Variants in TNS3 observed in about 807,000 individuals in gnomAD.
TNS3 encodes the protein tensin-3.
Under a neutral mutation model 140.9 loss-of-function variants are expected in TNS3, and 45 were observed. The observed-to-expected ratio is 0.32, with a 90% CI of 0.25 to 0.41. The LOEUF is 0.41. Ranked by LOEUF, TNS3 falls within the 10% of genes least tolerant of loss-of-function variation. The pLI is 1.00. For missense variants in TNS3, 1,716 were observed against 1,906.7 expected (o/e 0.90, Z 1.86); for synonymous variants, 815 against 788.4 (o/e 1.03, Z -0.56).
intron 1 of TNS3, among the ~76,000 whole-genome samples, chr7:47,541,633 C>T (rs1163884807): frequency 6.6e-6 from 1 of 152,178 alleles, no homozygotes; most frequent in Non-Finnish European, 1.5e-5. Flanking sequence ...ATCCAAGACT[C>T]TTTGAGTCCC....
chr7:47,559,608 G>T (rs1800281817), intron 1 of TNS3, among the ~76,000 whole-genome samples: 1 of 152,094 alleles, frequency 6.6e-6, no homozygotes, highest in Non-Finnish European at 1.5e-5. Context: ...GCTAAAACAA[G>T]AGCCACAGGA....
rs532912280 is a variant in TNS3, at chr7:47,433,520, A to G, written c.324+1762T>C. Reference sequence around the variant, plus strand: ...CTCTAGGTGGTCCCCACTAGGACCCATATGTTTTAAATAATCTCATCATTT... The same window carrying G: ...CTCTAGGTGGTCCCCACTAGGACCCGTATGTTTTAAATAATCTCATCATTT... On this transcript the variant is annotated intron_variant, in intron 8 of 30. Transcript: ENST00000311160. Among the ~76,000 whole-genome samples, 114 of 152,358 alleles carry G rather than the reference A, an allele frequency of 7.5e-4. 1 individual carries two copies. The South Asian group carries it at 0.023, about 30-fold the overall frequency.
intron 1 of TNS3, among the ~76,000 whole-genome samples, chr7:47,550,890 G>C (rs1003342501): frequency 2.0e-5 from 3 of 152,158 alleles, no homozygotes; most frequent in African/African-American, 4.8e-5. Context: ...ACAGACCTAA[G>C]TTTTGGTCAT....
At chr7:47,569,462 C>T (rs1262722029) in intron 1 of TNS3, among the ~76,000 whole-genome samples, 13 of 151,114 alleles carry the variant, frequency 8.6e-5, no homozygotes, top group African/African-American at 3.2e-4. Context: ...GAGAATTGCT[C>T]GAACCAGGGA....
intron 3 of TNS3, among the ~76,000 whole-genome samples, chr7:47,489,649 C>T (rs1196194000): frequency 6.6e-6 from 1 of 152,248 alleles, no homozygotes; most frequent in Non-Finnish European, 1.5e-5. Flanking sequence ...AAAGCAAAAG[C>T]ATAGTATCCT....
chr7:47,570,163 A>T (rs1297072622), intron 1 of TNS3, among the ~76,000 whole-genome samples: 1 of 152,258 alleles, frequency 6.6e-6, no homozygotes, highest in African/African-American at 2.4e-5. Context: ...TAAAAAGAAA[A>T]AATAAATAAA....
At chr7:47,301,173 C>T (rs1406136906) in intron 23 of TNS3, among the ~76,000 whole-genome samples, 1 of 152,114 alleles carries the variant, frequency 6.6e-6, no homozygotes, top group African/African-American at 2.4e-5. Context: ...CTGCTGACTG[C>T]GGGCAGCTTG....
intron 4 of TNS3, among the ~76,000 whole-genome samples, chr7:47,459,775 C>T (rs1198115096): frequency 2.0e-5 from 3 of 152,170 alleles, no homozygotes; most frequent in South Asian, 2.1e-4. Context: ...TTATTACCCA[C>T]CATATCTGGC....
chr7:47,512,861 A>C (rs1006365679), intron 2 of TNS3, among the ~76,000 whole-genome samples: 2 of 152,252 alleles, frequency 1.3e-5, no homozygotes, highest in Non-Finnish European at 2.9e-5. Context: ...GACTTTGGAA[A>C]AGGGCAGACA....
chr7:47,467,119 A>C (rs1330048468), intron 4 of TNS3, among the ~76,000 whole-genome samples: 1 of 152,228 alleles, frequency 6.6e-6, no homozygotes, highest in Non-Finnish European at 1.5e-5. Flanking sequence ...TACAACCTGG[A>C]TGCAAGCACA....
At chr7:47,497,680 C>T (rs533370688) in intron 3 of TNS3, among the ~76,000 whole-genome samples, 10 of 132,350 alleles carry the variant, frequency 7.6e-5, no homozygotes, top group African/African-American at 2.8e-4. Flanking sequence ...CACACACACA[C>T]ACACACACAC....
chr7:47,283,760 A>T lies in TNS3; in HGVS notation c.4034T>A (p.Val1345Glu). 1 of 1,611,248 alleles carries T rather than the reference A, an allele frequency of 6.2e-7. No individual in the cohort carries two copies. The highest frequency in any genetic ancestry group is 8.5e-7 in the Non-Finnish European group (1 of 1,178,732). The change falls in exon 28 of 31, where the codon GTG becomes GAG. Residue 1345 changes from valine (V) to glutamate (E), a missense_variant. Physicochemically the swap from Val to Glu is moderately radical, Grantham distance 121. Transcript: ENST00000311160. ...CACCTTGAAGTGCACAACTGTGGAC[A>T]CAGGTGGAGGCTCCTGGACCAGGGT... is the stretch of plus-strand genomic sequence containing the variant. ...SITLVQEPPP[V>E]STVVHFKVSA...
chr7:47,486,405 T>C (rs969005248), intron 3 of TNS3, among the ~76,000 whole-genome samples: 2 of 152,162 alleles, frequency 1.3e-5, no homozygotes, highest in African/African-American at 4.8e-5. Flanking sequence ...TATACCTGTA[T>C]GTGTCTCTGT....
chr7:47,445,279 A>G (rs570165109), intron 4 of TNS3, among the ~76,000 whole-genome samples: 1 of 152,156 alleles, frequency 6.6e-6, no homozygotes, highest in Admixed American at 6.5e-5. Context: ...TCCATAGCAC[A>G]ACCCTGAAGA....
At chr7:47,377,467 G>T (rs1231432667) in intron 16 of TNS3, among the ~76,000 whole-genome samples, 1 of 152,240 alleles carries the variant, frequency 6.6e-6, no homozygotes, top group African/African-American at 2.4e-5. Flanking sequence ...CAAAGGGTGT[G>T]AGGGATGGTT....
chr7:47,329,314 T>C (rs1788202078), intron 20 of TNS3, among the ~76,000 whole-genome samples: 1 of 152,194 alleles, frequency 6.6e-6, no homozygotes. Flanking sequence ...TAGAAAGCTC[T>C]CCCTGGAAGA....
intron 11 of TNS3, among the ~76,000 whole-genome samples, chr7:47,414,795 C>A (rs1031293505): frequency 1.3e-5 from 2 of 152,224 alleles, no homozygotes; most frequent in African/African-American, 4.8e-5. Context: ...AGCTGACCCA[C>A]TAGGGCTGCA....
chr7:47,407,486 T>C lies in TNS3; in HGVS notation c.723+4241A>G, dbSNP rs1363140064. Among the ~76,000 whole-genome samples, 2 of 152,206 alleles carry C rather than the reference T, an allele frequency of 1.3e-5. No individual in the cohort carries two copies. Among genetic ancestry groups the C allele is most frequent in the African/African-American group, 4.8e-5 (2 of 41,458 alleles). On this transcript the variant is annotated intron_variant, in intron 13 of 30. Coordinates refer to ENST00000311160, the MANE Select transcript of TNS3 (RefSeq NM_022748.12). This position sits in a 1 kb window ranked among gnomAD's most constrained non-coding sequence, Gnocchi z 4.1. Reference sequence around the variant, plus strand: ...CGCTGAACGTGCTCAGGATAAAGGCTGGTGACAAACCACAGCCACAGGGAC... The same window carrying C: ...CGCTGAACGTGCTCAGGATAAAGGCCGGTGACAAACCACAGCCACAGGGAC...
intron 22 of TNS3, 98 bp from the exon 23 acceptor site, chr7:47,302,370 G>C: frequency 1.0e-6 from 1 of 978,696 alleles, no homozygotes; most frequent in Non-Finnish European, 1.6e-6. Flanking sequence ...CCCATGCCAA[G>C]GGCAAGCAAG....
Sources: gnomAD v4.1 joint callset for allele counts (sites outside exome capture counted in the v4.1 genomes callset) on GRCh38, gnomAD v4.1.1 for gene constraint, Gnocchi (gnomAD v3.1) non-coding constraint, MANE v1.5 for transcripts, NCBI Gene and HGNC (gene_info 2026-07-23, HGNC 2026-07-21) for gene names.